TEX11: variants seen among roughly 807,000 people sequenced by gnomAD.
The protein encoded by TEX11 is testis expressed 11.
TEX11 carries 7 observed loss-of-function variants against 84.4 expected under a neutral mutation model. The observed-to-expected ratio is 0.08, with a 90% CI of 0.05 to 0.16. The LOEUF is 0.16. TEX11 is among the 10% of genes least tolerant of loss of function. TEX11 has a pLI of 1.00. For missense variants in TEX11, 551 were observed against 660.5 expected, an observed-to-expected ratio of 0.83 and a Z score of 1.82; for synonymous variants, 264 against 222.8, an observed-to-expected ratio of 1.18 and a Z score of -1.64.
chrX:70,685,969 G>T (rs2090185321), intron 13 of TEX11, among the ~76,000 whole-genome samples: 1 of 110,578 alleles, frequency 9.0e-6, no homozygotes, highest in Non-Finnish European at 1.9e-5. Context: ...CTGGATATTA[G>T]ACCTTTGTCA....
the TEX11 span, among the ~76,000 whole-genome samples, chrX:70,516,145 T>G: frequency 8.9e-6 from 1 of 112,405 alleles, no homozygotes; most frequent in African/African-American, 3.2e-5. Flanking sequence ...ATTTGTCAAT[T>G]TTGGCTTTTG....
intron 9 of TEX11, among the ~76,000 whole-genome samples, chrX:70,750,926 A>T (rs1161053017): frequency 4.9e-4 from 18 of 36,644 alleles, no homozygotes; most frequent in Admixed American, 3.8e-3. Context: ...TATAATAAAA[A>T]AAAAAAAATA....
intron 28 of TEX11, among the ~76,000 whole-genome samples, chrX:70,549,245 C>T (rs937591865): frequency 5.4e-5 from 6 of 111,070 alleles, no homozygotes; most frequent in African/African-American, 2.0e-4. Flanking sequence ...CTTTGGCCCT[C>T]AGTGATCAGC....
intron 13 of TEX11, among the ~76,000 whole-genome samples, chrX:70,718,640 G>T (rs748879346): frequency 1.3e-3 from 141 of 111,797 alleles, no homozygotes; most frequent in Non-Finnish European, 1.5e-3. Flanking sequence ...TATATCTTCA[G>T]CACCTGACAT....
intron 2 of TEX11, among the ~76,000 whole-genome samples, chrX:70,882,528 C>T (rs1243601894): frequency 9.0e-6 from 1 of 111,209 alleles, no homozygotes; most frequent in Non-Finnish European, 1.9e-5. Context: ...TGCCTGTAAT[C>T]CTAACAGTTT....
chrX:70,868,726 G>A (rs890810455), intron 4 of TEX11, among the ~76,000 whole-genome samples: 18 of 110,781 alleles, frequency 1.6e-4, no homozygotes, highest in African/African-American at 3.6e-4. Context: ...TGTCCTTTGC[G>A]GGGACATGGA....
At chrX:70,898,605 G>A (rs1003937323) in intron 2 of TEX11, among the ~76,000 whole-genome samples, 7 of 62,106 alleles carry the variant, frequency 1.1e-4, no homozygotes, top group Non-Finnish European at 2.0e-4. Flanking sequence ...TTTATAAACT[G>A]TATTTTTTTT....
At chrX:70,883,270 C>T (rs752565590) in intron 2 of TEX11, among the ~76,000 whole-genome samples, 23 of 111,689 alleles carry the variant, frequency 2.1e-4, no homozygotes, top group Non-Finnish European at 2.8e-4. Flanking sequence ...CCACTGCATC[C>T]GATGAAAAGA....
chrX:70,731,206 G>T lies in TEX11; in HGVS notation c.844-5863C>A, dbSNP rs181498443. Among the ~76,000 whole-genome samples the T allele has an allele frequency of 7.0e-3, 778 of 111,748 alleles. 3 individuals are homozygous for T. Among genetic ancestry groups the T allele is most frequent in the African/African-American group, 0.024 (746 of 30,755 alleles). The stretch of plus-strand genomic sequence containing the variant: ...AATGCCCACAAGAGAAAGCAGGAAA[G>T]ATCCAAAATTGACACCCTAGCATCA... On this transcript the variant is annotated intron_variant, in intron 11 of 29. Coordinates refer to ENST00000374333, the MANE Select transcript of TEX11 (RefSeq NM_031276.3).
chrX:70,599,887 T>TA (rs1569349137), intron 24 of TEX11, among the ~76,000 whole-genome samples: 2 of 107,903 alleles, frequency 1.9e-5, no homozygotes, highest in Non-Finnish European at 3.9e-5. Context: ...CCATGGTGTA[T>TA]ATGTGCCACA....
At chrX:70,562,575 C>T (rs1363465068) in intron 25 of TEX11, among the ~76,000 whole-genome samples, 1 of 112,209 alleles carries the variant, frequency 8.9e-6, no homozygotes, top group Non-Finnish European at 1.9e-5. Context: ...TTCCTCACCC[C>T]CTTCCATGTG....
chrX:70,739,833 T>C (rs979104282), intron 11 of TEX11, among the ~76,000 whole-genome samples: 4 of 111,537 alleles, frequency 3.6e-5, no homozygotes, highest in Middle Eastern at 4.3e-3. Flanking sequence ...CAGGCTGAAG[T>C]GCAGTGACTA....
At chrX:70,878,499 G>A (rs971731575) in intron 3 of TEX11, among the ~76,000 whole-genome samples, 3 of 110,687 alleles carry the variant, frequency 2.7e-5, no homozygotes, top group African/African-American at 9.8e-5. Flanking sequence ...TTGCTAGTGG[G>A]AATGTAAAAT....
intron 7 of TEX11, among the ~76,000 whole-genome samples, chrX:70,839,555 A>G (rs1036291460): frequency 1.8e-5 from 2 of 111,804 alleles, no homozygotes; most frequent in Non-Finnish European, 3.8e-5. Context: ...CAGAGCAGAA[A>G]AACTGGAAAC....
At chrX:70,807,244 G>A (rs2091224524) in intron 8 of TEX11, among the ~76,000 whole-genome samples, 1 of 97,509 alleles carries the variant, frequency 1.0e-5, no homozygotes, top group Non-Finnish European at 2.0e-5. Context: ...GTTGGGAAAT[G>A]AATGATTTTT....
intron 4 of TEX11, among the ~76,000 whole-genome samples, chrX:70,864,570 T>C (rs2091587794): frequency 9.5e-6 from 1 of 105,121 alleles, no homozygotes; most frequent in Non-Finnish European, 1.9e-5. Flanking sequence ...ACCCTTTCTA[T>C]ACTAAAAATA....
chrX:70,623,657 T>C (rs1042281637), intron 20 of TEX11, among the ~76,000 whole-genome samples: 6 of 112,042 alleles, frequency 5.4e-5, no homozygotes, highest in Admixed American at 9.5e-5. Context: ...CATAAGTCTT[T>C]TGCCTTTTAG....
chrX:70,542,953 G>A (rs1489941905), intron 28 of TEX11, among the ~76,000 whole-genome samples: 1 of 111,942 alleles, frequency 8.9e-6, no homozygotes, highest in Non-Finnish European at 1.9e-5. Flanking sequence ...AGGCCGAGGT[G>A]GGCGGATCAC....
chrX:70,730,276 T>C (rs973454535), intron 11 of TEX11, among the ~76,000 whole-genome samples: 1 of 111,672 alleles, frequency 9.0e-6, no homozygotes, highest in Non-Finnish European at 1.9e-5. Context: ...AACATCACAA[T>C]GACAGGATCA....
Sources: gnomAD v4.1 joint callset for allele counts (sites outside exome capture counted in the v4.1 genomes callset) on GRCh38, gnomAD v4.1.1 for gene constraint, MANE v1.5 for transcripts, NCBI Gene and HGNC (gene_info 2026-07-23, HGNC 2026-07-21) for gene names.